The following RGS6 variants were observed in gnomAD, a reference collection of about 807,000 sequenced individuals.
The protein encoded by RGS6 is regulator of G protein signaling 6, also known as regulator of G-protein signaling 6.
RGS6 carries 30 observed loss-of-function variants against 78.5 expected under a neutral mutation model. The ratio of observed to expected loss-of-function variants is 0.38; its 90% CI spans 0.29 to 0.52. The LOEUF is 0.52. Among genes scored for constraint, RGS6 ranks in the 20% least tolerant of loss-of-function variants. RGS6 has a pLI of 0.85. For missense variants in RGS6, 495 were observed against 609.7 expected (o/e 0.81, Z 1.98); for synonymous variants, 206 against 206.0 (o/e 1.00, Z 0.00).
intron 2 of RGS6, among the ~76,000 whole-genome samples, chr14:72,008,021 T>A (rs1426866862): frequency 2.0e-5 from 3 of 152,192 alleles, no homozygotes; most frequent in Admixed American, 1.3e-4. Flanking sequence ...AAAGGATGCC[T>A]GAGAGGGCAC....
intron 3 of RGS6, among the ~76,000 whole-genome samples, chr14:72,449,150 C>G (rs2095434606): frequency 6.6e-6 from 1 of 152,198 alleles, no homozygotes; most frequent in African/African-American, 2.4e-5. Flanking sequence ...ATAACCTTGA[C>G]TGAAGAGTAT....
At chr14:71,947,783 C>T (rs1217124500) in intron 1 of RGS6, among the ~76,000 whole-genome samples, 1 of 152,160 alleles carries the variant, frequency 6.6e-6, no homozygotes, top group African/African-American at 2.4e-5. Context: ...ATAAGTTGAA[C>T]TTTGCTTATT....
chr14:72,361,570 A>G (rs1158468606), intron 3 of RGS6, among the ~76,000 whole-genome samples: 1 of 152,154 alleles, frequency 6.6e-6, no homozygotes, highest in Admixed American at 6.5e-5. Context: ...ATAAGATATA[A>G]CCATAGGAAC....
rs1249579370 is a variant in RGS6 at position 72,480,129 on chromosome 14, A to G, written c.854+1800A>G. ...ATTCAGTGGTTCCAGGGTTGAGCCAAGAAATCCACATTCTGGATAATCTTC... is the reference window on the plus strand; with the variant it reads ...ATTCAGTGGTTCCAGGGTTGAGCCAGGAAATCCACATTCTGGATAATCTTC... On this transcript the variant is annotated intron_variant, in intron 12 of 17. Coordinates refer to ENST00000553525, the MANE Select transcript of RGS6 (RefSeq NM_001204424.2). Among the ~76,000 whole-genome samples, 3 of 152,228 alleles carry G rather than the reference A, an allele frequency of 2.0e-5. No homozygotes were observed. The East Asian group carries it at 5.8e-4, about 29-fold the overall frequency.
At chr14:72,584,719 G>A in the RGS6 span, among the ~76,000 whole-genome samples, 1 of 152,228 alleles carries the variant, frequency 6.6e-6, no homozygotes. Context: ...GGAAGACAGG[G>A]ATTGACAGTG....
the RGS6 span, among the ~76,000 whole-genome samples, chr14:72,573,364 C>T: frequency 1.3e-5 from 2 of 152,190 alleles, no homozygotes; most frequent in Admixed American, 6.5e-5. Flanking sequence ...GTAGTGTGGC[C>T]TTAGGCAGCT....
chr14:72,179,391 G>A (rs757485877), intron 2 of RGS6, among the ~76,000 whole-genome samples: 8 of 152,128 alleles, frequency 5.3e-5, no homozygotes, highest in African/African-American at 1.7e-4. Flanking sequence ...GGCAAGCACC[G>A]CTCAGTTTAT....
chr14:72,440,131 T>G (rs1334420892), intron 3 of RGS6, among the ~76,000 whole-genome samples: 1 of 152,196 alleles, frequency 6.6e-6, no homozygotes, highest in African/African-American at 2.4e-5. Flanking sequence ...TTTCTTCCCT[T>G]TCTTATCCTA....
At chr14:72,403,561 A>T (rs532891370) in intron 3 of RGS6, among the ~76,000 whole-genome samples, 6 of 152,318 alleles carry the variant, frequency 3.9e-5, no homozygotes, top group African/African-American at 1.2e-4. Context: ...ACAGTTAAAA[A>T]TTTTTGTATA....
At chr14:72,520,096 T>C (rs1445011912) in intron 15 of RGS6, among the ~76,000 whole-genome samples, 1 of 152,220 alleles carries the variant, frequency 6.6e-6, no homozygotes, top group Non-Finnish European at 1.5e-5. Context: ...TGCCACCAGG[T>C]TACTTTACAA....
rs1282700808 is a variant in RGS6, at chr14:72,565,184, G to A, written c.*2717G>A. ...GAAGCTGCCTTAGCCTCCCTGACTG[G>A]GTGTGGTCTCTGGGCCTAGGACTCC... On this transcript the variant is annotated 3_prime_UTR_variant, in exon 18 of 18. Coordinates refer to ENST00000553525, the MANE Select transcript of RGS6 (RefSeq NM_001204424.2). The A allele has an allele frequency of 6.6e-6, 1 of 151,790 alleles. No homozygotes were observed. Among genetic ancestry groups the A allele is most frequent in the African/African-American group, 2.4e-5 (1 of 41,384 alleles). 9.4% of individuals were successfully genotyped at this position (151,790 alleles called of 1,614,324 possible). A position where few individuals can be genotyped will look rare whatever the true frequency, so the allele number is the denominator to read the frequency against.
At chr14:71,981,247 C>G (rs1263497363) in intron 2 of RGS6, among the ~76,000 whole-genome samples, 9 of 151,908 alleles carry the variant, frequency 5.9e-5, no homozygotes, top group Non-Finnish European at 4.4e-5. Flanking sequence ...CGTCTGAAGC[C>G]TTCTTCTCTC....
intron 2 of RGS6, among the ~76,000 whole-genome samples, chr14:72,282,778 G>C (rs1459072305): frequency 6.6e-6 from 1 of 152,142 alleles, no homozygotes; most frequent in Non-Finnish European, 1.5e-5. Flanking sequence ...TTGTGTGGTA[G>C]AACACTTAAC....
At chr14:72,345,501 G>T (rs1022720594) in intron 2 of RGS6, among the ~76,000 whole-genome samples, 1 of 152,210 alleles carries the variant, frequency 6.6e-6, no homozygotes, top group Non-Finnish European at 1.5e-5. Flanking sequence ...TGCAGCCTTT[G>T]AATGGGATGA....
chr14:72,529,435 T>C (rs1246624814), intron 15 of RGS6, among the ~76,000 whole-genome samples: 10 of 152,174 alleles, frequency 6.6e-5, no homozygotes, highest in Admixed American at 6.5e-4. Context: ...TGTGTTCTTA[T>C]TCTCTTATCT....
intron 2 of RGS6, among the ~76,000 whole-genome samples, chr14:72,120,945 A>G (rs1248756762): frequency 6.6e-6 from 1 of 152,194 alleles, no homozygotes; most frequent in Non-Finnish European, 1.5e-5. Flanking sequence ...TTGTATGTTA[A>G]TTGTATCTTA....
chr14:72,624,768 T>A, the RGS6 span, among the ~76,000 whole-genome samples: 1 of 152,236 alleles, frequency 6.6e-6, no homozygotes, highest in Non-Finnish European at 1.5e-5. Context: ...CTTGACACTT[T>A]CAAAAAATCC....
At chr14:72,083,599 T>C (rs2153479460) in intron 2 of RGS6, among the ~76,000 whole-genome samples, 1 of 152,288 alleles carries the variant, frequency 6.6e-6, no homozygotes, top group South Asian at 2.1e-4. Flanking sequence ...CGGATGGAGC[T>C]GGTCTTCTGA....
intron 3 of RGS6, among the ~76,000 whole-genome samples, chr14:72,429,432 T>C (rs1031706392): frequency 6.6e-6 from 1 of 152,182 alleles, no homozygotes; most frequent in African/African-American, 2.4e-5. Context: ...GAGACTGTTG[T>C]CTGGCTTATG....
Sources: gnomAD v4.1 joint callset for allele counts (sites outside exome capture counted in the v4.1 genomes callset) on GRCh38, gnomAD v4.1.1 for gene constraint, MANE v1.5 for transcripts, NCBI Gene and HGNC (gene_info 2026-07-23, HGNC 2026-07-21) for gene names.